The following PDCD11 variants were observed in gnomAD, a reference collection of about 807,000 sequenced individuals.
PDCD11 encodes the protein programmed cell death 11.
PDCD11 carries 97 observed loss-of-function variants against 198.9 expected under a neutral mutation model. That is an observed-to-expected ratio of 0.49 (90% CI 0.41 to 0.58). The LOEUF (loss-of-function observed/expected upper bound fraction) is 0.58, where lower values mean the gene tolerates loss of function less well. Ranked by LOEUF, PDCD11 falls within the 20% of genes least tolerant of loss-of-function variation. The pLI, the probability that PDCD11 is intolerant of heterozygous loss-of-function variation, is 0.00. For synonymous variants in PDCD11, 893 were observed against 918.0 expected, an observed-to-expected ratio of 0.97 and a Z score of 0.49; for missense variants, 2,102 against 2,312.7, an observed-to-expected ratio of 0.91 and a Z score of 1.87.
intron 26 of PDCD11, 21 bp downstream of exon 26, chr10:103,438,092 A>G: frequency 6.2e-7 from 1 of 1,608,250 alleles, no homozygotes; most frequent in Non-Finnish European, 8.5e-7. Context: ...GTGTTGTTGG[A>G]AAAAGAAAGG....
chr10:103,419,480 G>A, intron 15 of PDCD11, 58 bp from the exon 16 acceptor site: 1 of 1,551,596 alleles, frequency 6.4e-7, no homozygotes, highest in East Asian at 2.3e-5. Context: ...AAAGGAGATG[G>A]GAGAGATGGA....
In PDCD11 at chr10:103,418,561, T is replaced by C; in HGVS notation, c.2033T>C (p.Leu678Ser). Residue 678 changes from leucine to serine, a missense_variant, in exon 15 of 36, where the codon TTG (leucine) becomes TCG (serine). Transcript: ENST00000369797. ...TCGGACCACGTTGCCAACGGCCCAT[T>C]GTTACATCATTGGCTCCAGGCAGGT... is the stretch of plus-strand genomic sequence containing the variant. ...HLSDHVANGP[L>S]LHHWLQAGDI... 1 of 1,614,152 alleles carries C rather than the reference T, an allele frequency of 6.2e-7. No individual in the cohort carries two copies.
At chr10:103,399,064 C>G (rs887072696) in intron 2 of PDCD11, among the ~76,000 whole-genome samples, 1 of 151,262 alleles carries the variant, frequency 6.6e-6, no homozygotes, top group African/African-American at 2.4e-5. Context: ...TTCTTAGACA[C>G]TCTTTGCCAT....
intron 7 of PDCD11, among the ~76,000 whole-genome samples, chr10:103,407,145 C>G (rs1469750584): frequency 6.6e-6 from 1 of 152,206 alleles, no homozygotes; most frequent in African/African-American, 2.4e-5. Flanking sequence ...TAACCCCCAT[C>G]TTTAACTCTT....
At chr10:103,417,640 T>C in intron 13 of PDCD11, 152 bp from the exon 14 acceptor site, 1 of 762,830 alleles carries the variant, frequency 1.3e-6, no homozygotes, top group Non-Finnish European at 2.2e-6. Context: ...ATTGTGTAGC[T>C]CTCAGTGCAT....
chr10:103,414,101 C>T lies in PDCD11; in HGVS notation c.1310+11C>T. On this transcript the variant is annotated intron_variant, in intron 10 of 35. Coordinates refer to ENST00000369797, the MANE Select transcript of PDCD11 (RefSeq NM_014976.2). ...GCTCTCTCTACGAACGTAAGTCTGT[C>T]ATTAACAGGTAGGGGTGTAGAGATG... is the stretch of plus-strand genomic sequence containing the variant. 6.2e-7 allele frequency: 1 copy of T among 1,607,446 alleles called. No individual in the cohort carries two copies. Among genetic ancestry groups the T allele is most frequent in the Non-Finnish European group, 8.5e-7 (1 of 1,176,530 alleles).
At position 103,425,246 on chromosome 10, in the gene PDCD11, A is replaced by T; in HGVS notation, c.3026A>T (p.Asp1009Val). The T allele has an allele frequency of 6.2e-7, 1 of 1,614,032 alleles. No homozygotes were observed. Among genetic ancestry groups the T allele is most frequent in the Non-Finnish European group, 8.5e-7 (1 of 1,180,008 alleles). ...AGGACCATGAGGCCGACCCAGAAGGACTCTGAGACAGTTGATGAGGATGAA... is the reference window on the plus strand; with the variant it reads ...AGGACCATGAGGCCGACCCAGAAGGTCTCTGAGACAGTTGATGAGGATGAA... Reference protein sequence around the residue: ...AKRTMRPTQKDSETVDEDEEV... With the variant: ...AKRTMRPTQKVSETVDEDEEV... The change falls in exon 20 of 36, where the codon GAC (aspartate) becomes GTC (valine). Residue 1009 changes from aspartate to valine, a missense_variant. Physicochemically the swap from Asp to Val is radical, Grantham distance 152. Coordinates refer to ENST00000369797, the MANE Select transcript of PDCD11 (RefSeq NM_014976.2).
chr10:103,435,040 G>A, intron 25 of PDCD11, 65 bp downstream of exon 25: 1 of 1,216,226 alleles, frequency 8.2e-7, no homozygotes, highest in East Asian at 2.7e-5. Flanking sequence ...AAAAAACGTT[G>A]TTGTAATACA....
rs367643874 is a variant in PDCD11 at position 103,413,175 on chromosome 10, C to T, written c.1038C>T (p.Arg346=). 5 of 1,614,042 alleles carry T rather than the reference C, an allele frequency of 3.1e-6. No homozygotes were observed. In the African/African-American group the frequency reaches 4.0e-5, roughly 13 times the overall value. Residue 346 remains arginine (R), a synonymous_variant, in exon 9 of 36, where the codon CGC becomes CGT. Transcript: ENST00000369797. The part of the protein sequence containing the change: ...PRTRVVHLSL[R]PIFLQPGRPL... ...CCAGAGTTGTGCACCTGAGCCTGCGCCCCATCTTCCTACAGCCTGGACGCC... is the reference window on the plus strand; with the variant it reads ...CCAGAGTTGTGCACCTGAGCCTGCGTCCCATCTTCCTACAGCCTGGACGCC...
At chr10:103,434,168 C>T (rs2032050462) in intron 23 of PDCD11, 80 bp from the exon 24 acceptor site, 9 of 1,208,636 alleles carry the variant, frequency 7.4e-6, no homozygotes, top group African/African-American at 1.5e-5. Flanking sequence ...GAGATACTTG[C>T]TTTGGAGACT....
At position 103,438,008 on chromosome 10, in the gene PDCD11, C is replaced by A. The variant is rs2032222231; in HGVS notation, c.3846-7C>A. ...TGAGCGTTTCCTTCTCTTTTGCCTT[C>A]ATTCAGATGTTACATCCTGTCCACT... On this transcript the variant is annotated splice_region_variant and splice_polypyrimidine_tract_variant and intron_variant, in intron 25 of 35. Coordinates refer to ENST00000369797, the MANE Select transcript of PDCD11 (RefSeq NM_014976.2). 1 of 1,612,168 alleles carries A rather than the reference C, an allele frequency of 6.2e-7. No individual in the cohort carries two copies.
rs1592136542 is a variant in PDCD11, at chr10:103,432,296, G to T, written c.3474+62G>T. 4.2e-6 allele frequency: 5 copies of T among 1,202,838 alleles called. No individual in the cohort carries two copies. In the East Asian group the frequency reaches 1.2e-4, roughly 28 times the overall value. 74.5% of individuals were successfully genotyped at this position (1,202,838 alleles called of 1,614,324 possible). On this transcript the variant is annotated intron_variant, in intron 22 of 35. Coordinates refer to ENST00000369797, the MANE Select transcript of PDCD11 (RefSeq NM_014976.2). ...CTTCTTTCAGAAAAAAGGTCATGAC[G>T]TTGGAGAGAAAAGCCATTAGCAGAG...
chr10:103,438,425 A>G (rs112730614), intron 26 of PDCD11, among the ~76,000 whole-genome samples: 41 of 152,282 alleles, frequency 2.7e-4, no homozygotes, highest in African/African-American at 8.7e-4. Flanking sequence ...TTAGACATCA[A>G]TGTTAATGAG....
chr10:103,421,566 A>G lies in PDCD11; in HGVS notation c.2496A>G (p.Arg832=). 1 of 1,453,108 alleles carries G rather than the reference A, an allele frequency of 6.9e-7. No homozygotes were observed. Among genetic ancestry groups the G allele is most frequent in the South Asian group, 1.2e-5 (1 of 83,304 alleles). The allele number at this position is 1,453,108 out of a possible 1,614,324, so 90.0% of individuals were successfully genotyped here. Residue 832 remains arginine (R), a splice_region_variant and synonymous_variant, in exon 17 of 36, where the codon CGA becomes CGG. Transcript: ENST00000369797. The part of the protein sequence containing the change: ...LQGVRSLMSN[R]DSVLIQTLAE... ...GCGTGCGCAGCCTTATGAGCAACCGAGGTGGGGCACCTGTGGGGCAGGGGA... is the reference window on the plus strand; with the variant it reads ...GCGTGCGCAGCCTTATGAGCAACCGGGGTGGGGCACCTGTGGGGCAGGGGA...
At position 103,403,285 on chromosome 10, in the gene PDCD11, G is replaced by A. The variant is rs749191445; in HGVS notation, c.402G>A (p.Lys134=). ...AGGTGACACAAGAACAACCTCTGAA[G>A]GTAAGGGAAATCCGAATGAAGCCTG... ...NEQVTQEQPL[K]DLLHLPELFS... The change falls in exon 4 of 36, where the codon AAG becomes AAA. Residue 134 remains lysine (K), a splice_region_variant and synonymous_variant. Transcript: ENST00000369797. 1 of 1,608,952 alleles carries A rather than the reference G, an allele frequency of 6.2e-7. No homozygotes were observed. The highest frequency in any genetic ancestry group is 1.7e-5 in the Admixed American group (1 of 58,614).
chr10:103,439,316 T>C (rs555350081), intron 27 of PDCD11, among the ~76,000 whole-genome samples: 113 of 152,326 alleles, frequency 7.4e-4, no homozygotes, highest in African/African-American at 2.6e-3. Flanking sequence ...ACCTCCAGCC[T>C]GGGAGGCAGT....
At chr10:103,414,678 A>G (rs2133698302) in intron 11 of PDCD11, among the ~76,000 whole-genome samples, 1 of 152,286 alleles carries the variant, frequency 6.6e-6, no homozygotes, top group Non-Finnish European at 1.5e-5. Context: ...CTGTCCGACC[A>G]TTTGGCTCTA....
chr10:103,407,550 G>A (rs902172013), intron 7 of PDCD11, among the ~76,000 whole-genome samples: 1 of 151,924 alleles, frequency 6.6e-6, no homozygotes, highest in Non-Finnish European at 1.5e-5. Flanking sequence ...GCGACTGTGC[G>A]AGACTCCGTC....
chr10:103,419,749 C>T (rs2031319178), intron 16 of PDCD11, 41 bp downstream of exon 16: 6 of 1,585,956 alleles, frequency 3.8e-6, no homozygotes, highest in Non-Finnish European at 5.2e-6. Flanking sequence ...AGGAGAGATA[C>T]AAGGTCACAG....
Sources: allele counts gnomAD v4.1 joint callset (sites outside exome capture counted in the v4.1 genomes callset), GRCh38; gene constraint gnomAD v4.1.1; transcripts MANE v1.5; gene names NCBI Gene and HGNC (gene_info 2026-07-23, HGNC 2026-07-21).